The following SESN3 variants were observed in gnomAD, a reference collection of about 807,000 sequenced individuals.
The protein encoded by SESN3 is sestrin-3.
A neutral mutation model predicts 55.3 loss-of-function variants in SESN3; 21 were observed. That is an observed-to-expected ratio of 0.38 (90% CI 0.27 to 0.55). SESN3 has a LOEUF of 0.55. Ranked by LOEUF, SESN3 falls within the 20% of genes least tolerant of loss-of-function variation. The probability of loss-of-function intolerance (pLI) is 0.76; values close to 1 mark genes in which losing one functional copy is unlikely to be tolerated. For synonymous variants in SESN3, 181 were observed against 203.1 expected (o/e 0.89, Z 0.93); for missense variants, 408 against 604.3 (o/e 0.68, Z 3.41).
chr11:95,182,623 T>C (rs1860077590), intron 6 of SESN3, among the ~76,000 whole-genome samples: 1 of 152,190 alleles, frequency 6.6e-6, no homozygotes, highest in Admixed American at 6.5e-5. Flanking sequence ...CACTGAAGTT[T>C]GAGAAGTGCT....
intron 1 of SESN3, among the ~76,000 whole-genome samples, chr11:95,216,029 C>T (rs1282701936): frequency 4.2e-5 from 6 of 142,498 alleles, no homozygotes; most frequent in Admixed American, 3.0e-4. Flanking sequence ...ACTCGGGAGG[C>T]GGAGCTTGCA....
At chr11:95,175,123 G>T (rs1372781533) in intron 9 of SESN3, among the ~76,000 whole-genome samples, 3 of 152,140 alleles carry the variant, frequency 2.0e-5, no homozygotes, top group Non-Finnish European at 4.4e-5. Context: ...CAGCACTTTG[G>T]GAAGCCGAGG....
chr11:95,175,376 T>A (rs962711414), intron 9 of SESN3, 122 bp downstream of exon 9: 1 of 867,708 alleles, frequency 1.2e-6, no homozygotes, highest in Non-Finnish European at 1.7e-6. Flanking sequence ...GATAGCTAGA[T>A]GATGCCACTT....
intron 1 of SESN3, among the ~76,000 whole-genome samples, chr11:95,207,243 A>G (rs1860568144): frequency 6.6e-6 from 1 of 151,664 alleles, no homozygotes; most frequent in Non-Finnish European, 1.5e-5. Flanking sequence ...TAGCTCTTTT[A>G]AGAACAGAAA....
chr11:95,202,056 A>G (rs1474890733), intron 1 of SESN3, among the ~76,000 whole-genome samples: 1 of 151,952 alleles, frequency 6.6e-6, no homozygotes, highest in Non-Finnish European at 1.5e-5. Context: ...CCAACTCCCA[A>G]GGTTTCCTAT....
Position 95,165,695 on chromosome 11 carries a change from T to C in SESN3, c.*7560A>G, listed in dbSNP as rs558128586. 38 of 152,328 alleles carry C rather than the reference T, an allele frequency of 2.5e-4. No individual in the cohort carries two copies. Among genetic ancestry groups the C allele is most frequent in the African/African-American group, 8.4e-4 (35 of 41,590 alleles). The allele number at this position is 152,328 out of a possible 1,614,324, so 9.4% of individuals were successfully genotyped here. Reference sequence around the variant, plus strand: ...CAAAATGTCATAAAAAGTGCAGTTATGAATTGTTAACATGTTAATACACAG... The same window carrying C: ...CAAAATGTCATAAAAAGTGCAGTTACGAATTGTTAACATGTTAATACACAG... On this transcript the variant is annotated 3_prime_UTR_variant, in exon 10 of 10. Coordinates refer to ENST00000536441, the MANE Select transcript of SESN3 (RefSeq NM_144665.4).
intron 7 of SESN3, among the ~76,000 whole-genome samples, chr11:95,178,428 TG>T (rs1859997843): frequency 6.6e-6 from 1 of 152,178 alleles, no homozygotes; most frequent in African/African-American, 2.4e-5. Context: ...TTTTCCTCTC[TG>T]TTCCCCCTCA....
At chr11:95,177,676 T>A in intron 8 of SESN3, 43 bp downstream of exon 8, 1 of 1,489,504 alleles carries the variant, frequency 6.7e-7, no homozygotes, top group Non-Finnish European at 9.2e-7. Context: ...ATGCTTGAAT[T>A]TTCACTTAGA....
At chr11:95,205,064 A>G (rs1860523462) in intron 1 of SESN3, among the ~76,000 whole-genome samples, 1 of 152,182 alleles carries the variant, frequency 6.6e-6, no homozygotes, top group Non-Finnish European at 1.5e-5. Flanking sequence ...ATTTGTCAGG[A>G]TACGTAGAAA....
At chr11:95,206,276 T>C (rs1179534458) in intron 1 of SESN3, among the ~76,000 whole-genome samples, 3 of 151,994 alleles carry the variant, frequency 2.0e-5, no homozygotes, top group African/African-American at 7.3e-5. Flanking sequence ...ACTCAGCCTA[T>C]TATACATTTA....
intron 1 of SESN3, among the ~76,000 whole-genome samples, chr11:95,196,780 A>G (rs1348119929): frequency 6.6e-6 from 1 of 152,210 alleles, no homozygotes; most frequent in African/African-American, 2.4e-5. Flanking sequence ...CACTGCAGAC[A>G]GTTCTACCGG....
At chr11:95,183,674 T>C in intron 6 of SESN3, among the ~76,000 whole-genome samples, 1 of 135,362 alleles carries the variant, frequency 7.4e-6, no homozygotes, top group South Asian at 2.5e-4. Context: ...AGAGCAAGAC[T>C]CTGTCTCAAA....
chr11:95,175,192 C>T (rs990966590), intron 9 of SESN3, among the ~76,000 whole-genome samples: 14 of 152,076 alleles, frequency 9.2e-5, no homozygotes, highest in Non-Finnish European at 1.6e-4. Flanking sequence ...GGTGAAACCC[C>T]ACCTCTACTA....
intron 1 of SESN3, among the ~76,000 whole-genome samples, chr11:95,213,889 CG>C (rs1191505553): frequency 6.6e-6 from 1 of 151,322 alleles, no homozygotes; most frequent in Non-Finnish European, 1.5e-5. Context: ...AGAAGGAATT[CG>C]GTAACATTTC....
chr11:95,226,920 G>A (rs1165190481), intron 1 of SESN3, among the ~76,000 whole-genome samples: 1 of 152,164 alleles, frequency 6.6e-6, no homozygotes, highest in Non-Finnish European at 1.5e-5. Flanking sequence ...ATACGAAGCA[G>A]TTTGAAAACC....
At chr11:95,206,297 G>T (rs1278970073) in intron 1 of SESN3, among the ~76,000 whole-genome samples, 1 of 150,494 alleles carries the variant, frequency 6.6e-6, no homozygotes, top group Non-Finnish European at 1.5e-5. Flanking sequence ...ATGATATTAT[G>T]AACTATTTTT....
intron 1 of SESN3, among the ~76,000 whole-genome samples, chr11:95,207,614 A>G (rs188073174): frequency 6.6e-6 from 1 of 151,754 alleles, no homozygotes; most frequent in East Asian, 1.9e-4. Context: ...GCTAGTTTAA[A>G]AAATGTTTTA....
chr11:95,176,265 G>T (rs1859953578), intron 8 of SESN3, among the ~76,000 whole-genome samples: 1 of 152,306 alleles, frequency 6.6e-6, no homozygotes, highest in South Asian at 2.1e-4. Flanking sequence ...GAGAGAATGG[G>T]AGATAAGAAA....
intron 1 of SESN3, among the ~76,000 whole-genome samples, 162 bp from the exon 2 acceptor site, chr11:95,193,684 C>A (rs1384477382): frequency 6.6e-6 from 1 of 152,000 alleles, no homozygotes; most frequent in Admixed American, 6.6e-5. Context: ...ACCCATAGGG[C>A]CACTGTATGG....
Sources: allele counts gnomAD v4.1 joint callset (sites outside exome capture counted in the v4.1 genomes callset), GRCh38; gene constraint gnomAD v4.1.1; transcripts MANE v1.5; gene names NCBI Gene and HGNC (gene_info 2026-07-23, HGNC 2026-07-21).